Variants in YEATS4 observed in about 807,000 individuals in gnomAD.
YEATS4 encodes the protein YEATS domain containing 4.
A neutral mutation model predicts 30.1 loss-of-function variants in YEATS4; 17 were observed. The observed-to-expected ratio is 0.56, with a 90% CI of 0.39 to 0.85. The LOEUF (loss-of-function observed/expected upper bound fraction) is 0.85. Ranked by LOEUF, YEATS4 falls within the 40% of genes least tolerant of loss-of-function variation. YEATS4 has a pLI of 0.00. For synonymous variants in YEATS4, 85 were observed against 87.5 expected (o/e 0.97, Z 0.16); for missense variants, 142 against 268.3 (o/e 0.53, Z 3.29).
At chr12:69,413,046 G>C in the YEATS4 span, among the ~76,000 whole-genome samples, 1 of 152,130 alleles carries the variant, frequency 6.6e-6, no homozygotes, top group African/African-American at 2.4e-5. Flanking sequence ...AGTGTGCTAG[G>C]GGTGTTTGCA....
In YEATS4 at chr12:69,370,636, T is replaced by TA. The variant is rs879787109; in HGVS notation, c.334-63dup. The TA allele has an allele frequency of 5.6e-4, 710 of 1,276,328 alleles. 3 individuals carry two copies. Among genetic ancestry groups the TA allele is most frequent in the Middle Eastern group, 1.1e-3 (5 of 4,522 alleles). 79.1% of individuals were successfully genotyped at this position (1,276,328 alleles called of 1,614,324 possible). ...TACTTATTCCAGTCTCTATTTCAGT[T>TA]AAAAAAATGCCAGTATCTTATGATG... On this transcript the variant is annotated intron_variant, in intron 4 of 6. Coordinates refer to ENST00000247843, the MANE Select transcript of YEATS4 (RefSeq NM_006530.4).
chr12:69,396,519 T>C, the YEATS4 span, among the ~76,000 whole-genome samples: 1 of 152,208 alleles, frequency 6.6e-6, no homozygotes, highest in Non-Finnish European at 1.5e-5. Context: ...GTTACTGTTA[T>C]AGTCCAATCC....
intron 4 of YEATS4, among the ~76,000 whole-genome samples, chr12:69,367,220 A>G (rs1000043088): frequency 6.6e-6 from 1 of 152,134 alleles, no homozygotes; most frequent in Non-Finnish European, 1.5e-5. Context: ...ACTGATTACT[A>G]TTCCTACCTT....
chr12:69,368,982 A>C (rs973970560), intron 4 of YEATS4, among the ~76,000 whole-genome samples: 1 of 152,158 alleles, frequency 6.6e-6, no homozygotes, highest in Non-Finnish European at 1.5e-5. Flanking sequence ...AGTCCCAGTT[A>C]CTTGGGAGGC....
In YEATS4 at chr12:69,362,016, T is replaced by TTTTTTTTTTTTTG. The variant is rs1555174247; in HGVS notation, c.52-760_52-759insGTTTTTTTTTTTT. ...TTAAATTGTAGGGTGTTTGGTTGTT[T>TTTTTTTTTTTTTG]TTTTTTTTTTTTTTTTTTGGAGACA... On this transcript the variant is annotated intron_variant, in intron 1 of 6. Coordinates refer to ENST00000247843, the MANE Select transcript of YEATS4 (RefSeq NM_006530.4). Among the ~76,000 whole-genome samples, 341 of 111,302 alleles carry TTTTTTTTTTTTTG rather than the reference T, an allele frequency of 3.1e-3. 5 individuals carry two copies. Among genetic ancestry groups the TTTTTTTTTTTTTG allele is most frequent in the African/African-American group, 0.011 (326 of 30,724 alleles). The allele number at this position is 111,302 out of a possible 152,430, so 73.0% of individuals were successfully genotyped here.
the YEATS4 span, among the ~76,000 whole-genome samples, chr12:69,403,003 G>T: frequency 6.6e-6 from 1 of 151,814 alleles, no homozygotes; most frequent in East Asian, 1.9e-4. Flanking sequence ...GATTACAGGC[G>T]TGAGCCACCA....
the YEATS4 span, among the ~76,000 whole-genome samples, chr12:69,417,364 G>C: frequency 6.6e-6 from 1 of 151,272 alleles, no homozygotes; most frequent in South Asian, 2.1e-4. Flanking sequence ...CTCACTATGT[G>C]GCCCAGGCTG....
At chr12:69,388,062 TA>T (rs1163451117) in intron 6 of YEATS4, among the ~76,000 whole-genome samples, 2,378 of 89,552 alleles carry the variant, frequency 0.027, 31 homozygotes, top group Non-Finnish European at 0.038. Flanking sequence ...TTTTTATTTT[TA>T]TTTTTTTTTT....
At chr12:69,395,229 A>G (rs1228360768), downstream of YEATS4, among the ~76,000 whole-genome samples, 1 of 152,182 alleles carries the variant, frequency 6.6e-6, no homozygotes, top group African/African-American at 2.4e-5. Flanking sequence ...ATAAGAAAAA[A>G]TGTATTACTT....
chr12:69,386,608 A>G (rs1868252865), intron 6 of YEATS4, among the ~76,000 whole-genome samples: 3 of 152,180 alleles, frequency 2.0e-5, no homozygotes, highest in Admixed American at 2.0e-4. Flanking sequence ...AGCATCTAAC[A>G]AAGCGCATAT....
the YEATS4 span, among the ~76,000 whole-genome samples, chr12:69,408,467 AG>A: frequency 6.6e-6 from 1 of 152,190 alleles, no homozygotes; most frequent in Admixed American, 6.5e-5. Flanking sequence ...TGGGAAATAA[AG>A]GATGTGCGCA....
downstream of YEATS4, among the ~76,000 whole-genome samples, chr12:69,392,269 T>G (rs1485425893): frequency 3.3e-5 from 5 of 152,190 alleles, no homozygotes; most frequent in Non-Finnish European, 7.3e-5. Context: ...ATTGGAACCC[T>G]CATATATTGC....
At chr12:69,409,084 A>G in the YEATS4 span, among the ~76,000 whole-genome samples, 1 of 152,174 alleles carries the variant, frequency 6.6e-6, no homozygotes, top group Non-Finnish European at 1.5e-5. Context: ...CACTGTAGAT[A>G]TTAGCATAGG....
intron 6 of YEATS4, among the ~76,000 whole-genome samples, chr12:69,385,149 G>A (rs1195891986): frequency 6.6e-6 from 1 of 151,762 alleles, no homozygotes; most frequent in East Asian, 1.9e-4. Flanking sequence ...CAGTAGCTAG[G>A]ACTACAGGTA....
chr12:69,413,509 C>CA, the YEATS4 span, among the ~76,000 whole-genome samples: 3 of 75,748 alleles, frequency 4.0e-5, no homozygotes, highest in Admixed American at 1.4e-4. Context: ...GGGTCTTCAA[C>CA]GCCCCCCCCA....
chr12:69,361,164 C>G (rs1477657600), intron 1 of YEATS4, among the ~76,000 whole-genome samples: 1 of 151,926 alleles, frequency 6.6e-6, no homozygotes, highest in Non-Finnish European at 1.5e-5. Context: ...TGCCACTGCA[C>G]TCTAGCCTGG....
At chr12:69,405,442 C>T in the YEATS4 span, among the ~76,000 whole-genome samples, 2 of 152,054 alleles carry the variant, frequency 1.3e-5, no homozygotes, top group Non-Finnish European at 2.9e-5. Flanking sequence ...CCTCAGCGTA[C>T]AGTTTTTTTT....
intron 6 of YEATS4, among the ~76,000 whole-genome samples, chr12:69,378,129 A>T (rs1236755219): frequency 6.6e-6 from 1 of 151,910 alleles, no homozygotes; most frequent in Non-Finnish European, 1.5e-5. Flanking sequence ...TTGTTGTGCA[A>T]TCTGTTTGTC....
chr12:69,421,288 A>T, the YEATS4 span, among the ~76,000 whole-genome samples: 1 of 152,246 alleles, frequency 6.6e-6, no homozygotes, highest in Non-Finnish European at 1.5e-5. Context: ...GAATCATCAT[A>T]TGAGAAGGTT....
Sources: gnomAD v4.1 joint callset for allele counts (sites outside exome capture counted in the v4.1 genomes callset) on GRCh38, gnomAD v4.1.1 for gene constraint, MANE v1.5 for transcripts, NCBI Gene and HGNC (gene_info 2026-07-23, HGNC 2026-07-21) for gene names.